The following FGF14 variants were observed in gnomAD, a reference collection of about 807,000 sequenced individuals.
FGF14 encodes fibroblast growth factor 14, also known as fibroblast growth factor homologous factor 4.
In FGF14, 5 loss-of-function variants were observed where a neutral mutation model predicts 25.5. The observed-to-expected ratio is 0.20, with a 90% CI of 0.10 to 0.41. The LOEUF is 0.41. Among genes scored for constraint, FGF14 ranks in the 10% least tolerant of loss-of-function variants. The pLI is 1.00. For missense variants in FGF14, 222 were observed against 320.1 expected (o/e 0.69, Z 2.34); for synonymous variants, 138 against 118.3 (o/e 1.17, Z -1.08).
At chr13:102,025,662 G>C (rs1379869475) in intron 1 of FGF14, among the ~76,000 whole-genome samples, 1 of 152,006 alleles carries the variant, frequency 6.6e-6, no homozygotes, top group Non-Finnish European at 1.5e-5. Context: ...GCCTGTCTCA[G>C]ACTCCCAAAG....
At chr13:102,253,016 T>A (rs945578663) in intron 1 of FGF14, among the ~76,000 whole-genome samples, 2 of 152,262 alleles carry the variant, frequency 1.3e-5, no homozygotes, top group African/African-American at 4.8e-5. Context: ...TTTTTATGGC[T>A]GCATAGTATT....
rs181365621 is a variant in FGF14, at chr13:101,736,405, T to G, written c.409-9595A>C. Among the ~76,000 whole-genome samples the G allele has an allele frequency of 1.2e-4, 18 of 152,360 alleles. No individual in the cohort carries two copies. The East Asian group carries it at 3.3e-3, about 28-fold the overall frequency. ...AGTACAGAAATTATGTGAAAACATT[T>G]ATAAACTTCTATAGAAATTTAACAG... On this transcript the variant is annotated intron_variant, in intron 3 of 4. Coordinates refer to ENST00000376143, the MANE Select transcript of FGF14 (RefSeq NM_004115.4).
At chr13:102,006,724 C>CTTTTTT (rs1566562317) in intron 1 of FGF14, among the ~76,000 whole-genome samples, 3 of 97,946 alleles carry the variant, frequency 3.1e-5, no homozygotes, top group African/African-American at 1.2e-4. Context: ...CAAAATCTTA[C>CTTTTTT]TTCTTTTTTT....
At chr13:102,363,944 C>T (rs999019007) in intron 1 of FGF14, among the ~76,000 whole-genome samples, 8 of 152,284 alleles carry the variant, frequency 5.3e-5, no homozygotes, top group African/African-American at 1.9e-4. Flanking sequence ...ATCTTGACTA[C>T]CATTTTGTTG....
intron 1 of FGF14, among the ~76,000 whole-genome samples, chr13:102,318,621 C>A (rs73581272): frequency 6.6e-6 from 1 of 152,166 alleles, no homozygotes; most frequent in African/African-American, 2.4e-5. Flanking sequence ...CTCCGAGTCC[C>A]TATCTGTGTA....
rs1178340973 is a variant in FGF14 at position 102,015,178 on chromosome 13, G to A, written c.209-139882C>T. Among the ~76,000 whole-genome samples the A allele has an allele frequency of 5.3e-5, 8 of 152,290 alleles. No individual in the cohort carries two copies. In the South Asian group the frequency reaches 1.5e-3, roughly 28 times the overall value. On this transcript the variant is annotated intron_variant, in intron 1 of 4. Transcript: ENST00000376131. ...CTGCCTCAGTCTCCCAAATTGCTGAGATTACAGGCGTGAGCCACCGTGCTC... is the reference window on the plus strand; with the variant it reads ...CTGCCTCAGTCTCCCAAATTGCTGAAATTACAGGCGTGAGCCACCGTGCTC...
intron 1 of FGF14, among the ~76,000 whole-genome samples, chr13:101,940,465 C>A (rs2035375491): frequency 6.6e-6 from 1 of 152,178 alleles, no homozygotes; most frequent in Non-Finnish European, 1.5e-5. Flanking sequence ...GGCCTACTTT[C>A]CATTCTTCAA....
intron 1 of FGF14, among the ~76,000 whole-genome samples, chr13:101,929,290 T>C (rs2034585389): frequency 2.6e-5 from 4 of 152,112 alleles, no homozygotes; most frequent in Admixed American, 2.6e-4. Context: ...GGAGCTGAGA[T>C]TAAAAAGATG....
At chr13:102,200,333 C>G (rs2049559582) in intron 1 of FGF14, among the ~76,000 whole-genome samples, 1 of 152,158 alleles carries the variant, frequency 6.6e-6, no homozygotes, top group African/African-American at 2.4e-5. Context: ...ACAATCATTA[C>G]TGTTGCTAAA....
intron 1 of FGF14, chr13:102,395,108 C>T (rs1425146570): frequency 2.6e-5 from 4 of 152,264 alleles, no homozygotes; most frequent in Admixed American, 2.0e-4. Flanking sequence ...AAGATTACTG[C>T]TTTTCAAACT....
chr13:102,085,738 T>C (rs900846897), intron 1 of FGF14, among the ~76,000 whole-genome samples: 2 of 152,204 alleles, frequency 1.3e-5, no homozygotes, highest in African/African-American at 4.8e-5. Context: ...ACCTGCATAA[T>C]GAAACCAATC....
intron 1 of FGF14, among the ~76,000 whole-genome samples, chr13:102,374,568 G>T (rs958083930): frequency 2.8e-5 from 4 of 144,036 alleles, no homozygotes; most frequent in African/African-American, 7.6e-5. Flanking sequence ...CTTTATTGAA[G>T]AATAATAAAT....
intron 1 of FGF14, among the ~76,000 whole-genome samples, chr13:102,032,386 G>C (rs1055901414): frequency 1.3e-5 from 2 of 152,126 alleles, no homozygotes; most frequent in Non-Finnish European, 2.9e-5. Flanking sequence ...GGCAAAGAGA[G>C]CTGGAGGAAT....
At chr13:102,375,985 C>T (rs1050736590) in intron 1 of FGF14, among the ~76,000 whole-genome samples, 25 of 152,054 alleles carry the variant, frequency 1.6e-4, no homozygotes, top group African/African-American at 6.0e-4. Flanking sequence ...ACATTGACAT[C>T]GAAATTTTAA....
chr13:101,851,095 G>A (rs970981549), intron 3 of FGF14, among the ~76,000 whole-genome samples: 4 of 152,132 alleles, frequency 2.6e-5, no homozygotes, highest in South Asian at 2.1e-4. Flanking sequence ...ACTCAGAGCC[G>A]TGCTTGACAC....
chr13:102,119,528 T>C (rs1370418284), intron 1 of FGF14, among the ~76,000 whole-genome samples: 3 of 152,142 alleles, frequency 2.0e-5, no homozygotes, highest in African/African-American at 7.2e-5. Flanking sequence ...AGGAGAATAA[T>C]GGTATGTGAC....
intron 1 of FGF14, among the ~76,000 whole-genome samples, chr13:102,375,647 GGTTAT>G (rs1331140393): frequency 6.6e-6 from 1 of 152,060 alleles, no homozygotes; most frequent in Non-Finnish European, 1.5e-5. Context: ...TCCTATTTTA[GGTTAT>G]ATCTTCCAAA....
At chr13:102,249,802 G>A (rs1419475194) in intron 1 of FGF14, among the ~76,000 whole-genome samples, 1 of 152,082 alleles carries the variant, frequency 6.6e-6, no homozygotes, top group African/African-American at 2.4e-5. Context: ...TGAATTATTT[G>A]GTGCAATTCA....
At chr13:101,927,979 T>A (rs1331211877) in intron 1 of FGF14, among the ~76,000 whole-genome samples, 1 of 152,278 alleles carries the variant, frequency 6.6e-6, no homozygotes, top group East Asian at 1.9e-4. Context: ...CTCCGTCCCG[T>A]TTCCCTCTTT....
Sources: allele counts gnomAD v4.1 joint callset (sites outside exome capture counted in the v4.1 genomes callset), GRCh38; gene constraint gnomAD v4.1.1; transcripts MANE v1.5; gene names NCBI Gene and HGNC (gene_info 2026-07-23, HGNC 2026-07-21).